The following ELF5 variants were observed in gnomAD, a reference collection of about 807,000 sequenced individuals.
ELF5 encodes ETS-related transcription factor Elf-5.
ELF5 carries 31 observed loss-of-function variants against 38.2 expected under a neutral mutation model. The ratio of observed to expected loss-of-function variants is 0.81; its 90% CI spans 0.61 to 1.10. The LOEUF (loss-of-function observed/expected upper bound fraction) is 1.10, where lower values mean the gene tolerates loss of function less well. Among genes scored for constraint, ELF5 ranks in the 50% least tolerant of loss-of-function variants. ELF5 has a pLI of 0.00. For synonymous variants in ELF5, 121 were observed against 112.5 expected, an observed-to-expected ratio of 1.08 and a Z score of -0.48; for missense variants, 300 against 306.6, an observed-to-expected ratio of 0.98 and a Z score of 0.16.
chr11:34,502,132 C>T (rs969998411), intron 2 of ELF5, among the ~76,000 whole-genome samples: 7 of 152,268 alleles, frequency 4.6e-5, no homozygotes, highest in South Asian at 2.1e-4. Flanking sequence ...CTAAACACTT[C>T]GTACACAAAA....
chr11:34,505,773 C>A lies in ELF5; in HGVS notation c.-4-20G>T. ...ATTACCCTGCAACAGCAGGAGAGGT[C>A]GTGAGGAGGCTGGGGTGAGGTACTC... On this transcript the variant is annotated intron_variant, in intron 1 of 6. Coordinates refer to ENST00000257832, the MANE Select transcript of ELF5 (RefSeq NM_001422.4). The A allele has an allele frequency of 6.2e-7, 1 of 1,609,988 alleles. No individual in the cohort carries two copies. Among genetic ancestry groups the A allele is most frequent in the Non-Finnish European group, 8.5e-7 (1 of 1,177,882 alleles).
chr11:34,495,560 TC>T (rs1489460730), intron 2 of ELF5, among the ~76,000 whole-genome samples: 4 of 152,182 alleles, frequency 2.6e-5, no homozygotes, highest in Non-Finnish European at 5.9e-5. Context: ...AACTCAAAGG[TC>T]TTCCAGAGAT....
At chr11:34,490,612 T>G (rs1850143283) in intron 3 of ELF5, among the ~76,000 whole-genome samples, 2 of 152,152 alleles carry the variant, frequency 1.3e-5, no homozygotes, top group African/African-American at 4.8e-5. Context: ...ATGCTGAGTT[T>G]AATGAGGATA....
At position 34,480,805 on chromosome 11, in the gene ELF5, C is replaced by G; in HGVS notation, c.638G>C (p.Arg213Thr). 6.2e-7 allele frequency: 1 copy of G among 1,613,994 alleles called. No individual in the cohort carries two copies. Among genetic ancestry groups the G allele is most frequent in the Non-Finnish European group, 8.5e-7 (1 of 1,179,990 alleles). Residue 213 changes from arginine (R) to threonine (T), a missense_variant, in exon 6 of 7, where the codon AGA becomes ACA. By Grantham distance (71) the Arg-to-Thr change is moderately conservative. Coordinates refer to ENST00000257832, the MANE Select transcript of ELF5 (RefSeq NM_001422.4). ...TCTGCTCAACTTTTCATATGTCATT[C>G]TGTCATTTTTCTTCCTTTGTCCCCA... ...KMWGQRKKND[R>T]MTYEKLSRAL...
In ELF5 at chr11:34,493,665, G is replaced by A. The variant is rs147852989; in HGVS notation, c.169C>T (p.Arg57Cys). The A allele has an allele frequency of 1.1e-5, 17 of 1,614,072 alleles. No homozygotes were observed. Among genetic ancestry groups the A allele is most frequent in the African/African-American group, 1.3e-5 (1 of 74,922 alleles). Residue 57 changes from arginine (R) to cysteine (C), a missense_variant, in exon 3 of 7, where the codon CGC (arginine) becomes TGC (cysteine). Physicochemically the swap from Arg to Cys is radical, Grantham distance 180 (BLOSUM62 -3). Transcript: ENST00000257832. ...TSVHPEYWTK[R>C]HVWEWLQFCC... ...AACTGGAGCCACTCCCACACATGGCGCTTAGTCCAGTATTCAGGGTGGACT... is the reference window on the plus strand; with the variant it reads ...AACTGGAGCCACTCCCACACATGGCACTTAGTCCAGTATTCAGGGTGGACT...
chr11:34,498,073 C>T (rs538330429), intron 2 of ELF5, among the ~76,000 whole-genome samples: 1 of 152,268 alleles, frequency 6.6e-6, no homozygotes, highest in Admixed American at 6.5e-5. Context: ...AACCAGGATT[C>T]CTATATTTTG....
chr11:34,505,664 T>C lies in ELF5; in HGVS notation c.86A>G (p.Asn29Ser), dbSNP rs1850595592. Residue 29 changes from asparagine (N) to serine (S), a missense_variant, in exon 2 of 7, where the codon AAT (asparagine) becomes AGT (serine). By Grantham distance (46) the Asn-to-Ser change is conservative (BLOSUM62 1). Transcript: ENST00000257832. ...PLMSWTDLFSNEEYYPAFEHQ... is the reference protein window; with the variant it reads ...PLMSWTDLFSSEEYYPAFEHQ... ...CTCAAAGGCAGGGTAGTACTCTTCATTGCTGAACAGATCAGTCCACGACAT... is the reference window on the plus strand; with the variant it reads ...CTCAAAGGCAGGGTAGTACTCTTCACTGCTGAACAGATCAGTCCACGACAT... 6.2e-7 allele frequency: 1 copy of C among 1,614,074 alleles called. No individual in the cohort carries two copies.
In ELF5 at chr11:34,480,046, T is replaced by C. The variant is rs2133866780; in HGVS notation, c.*172A>G. 1.6e-6 allele frequency: 1 copy of C among 613,798 alleles called. No homozygotes were observed. Among genetic ancestry groups the C allele is most frequent in the Non-Finnish European group, 2.9e-6 (1 of 350,834 alleles). The allele number at this position is 613,798 out of a possible 1,614,324, so 38.0% of individuals were successfully genotyped here. A position where few individuals can be genotyped will look rare whatever the true frequency, so the allele number is the denominator to read the frequency against. ...TTCTTAAGAGTTTCTGCTCTCACCC[T>C]CCATAGACAACAACTCTGAATCCAA... On this transcript the variant is annotated 3_prime_UTR_variant, in exon 7 of 7. Transcript: ENST00000257832.
In ELF5 at chr11:34,505,739, G is replaced by C; in HGVS notation, c.11C>G (p.Ser4Trp). The part of the protein sequence containing the change: MLD[S>W]VTHSTFLPNA... ...AGGCAGGAAGGTGCTGTGTGTCACCGAGTCCAACATTACCCTGCAACAGCA... is the reference window on the plus strand; with the variant it reads ...AGGCAGGAAGGTGCTGTGTGTCACCCAGTCCAACATTACCCTGCAACAGCA... Residue 4 changes from serine (S) to tryptophan (W), a missense_variant, in exon 2 of 7, where the codon TCG becomes TGG. Ser to Trp is a radical substitution (Grantham distance 177). Coordinates refer to ENST00000257832, the MANE Select transcript of ELF5 (RefSeq NM_001422.4). 6.2e-7 allele frequency: 1 copy of C among 1,613,680 alleles called. No individual in the cohort carries two copies. The highest frequency in any genetic ancestry group is 8.5e-7 in the Non-Finnish European group (1 of 1,179,772).
intron 2 of ELF5, among the ~76,000 whole-genome samples, chr11:34,501,380 A>C (rs924552864): frequency 3.3e-5 from 5 of 152,122 alleles, no homozygotes; most frequent in Admixed American, 1.3e-4. Context: ...AAAGCAAAGG[A>C]GGCGCTGCAT....
chr11:34,511,656 A>G lies in ELF5; in HGVS notation c.-5+2021T>C. ...CACCAAATGCACACAGAGAGGGTCC[A>G]CCGAGTTGGAGGGACAGGCCTGTGG... On this transcript the variant is annotated intron_variant, in intron 1 of 6. Transcript: ENST00000257832. 10 of 1,562,240 alleles carry G rather than the reference A, an allele frequency of 6.4e-6. No individual in the cohort carries two copies. In the South Asian group the frequency reaches 1.0e-4, roughly 16 times the overall value.
At chr11:34,512,867 C>T (rs1426494987) in intron 1 of ELF5, among the ~76,000 whole-genome samples, 3 of 152,186 alleles carry the variant, frequency 2.0e-5, no homozygotes, top group Non-Finnish European at 2.9e-5. Context: ...CTAGACTGAA[C>T]CACAGAGCTG....
At chr11:34,481,207 A>C (rs1813112911) in intron 5 of ELF5, among the ~76,000 whole-genome samples, 1 of 151,930 alleles carries the variant, frequency 6.6e-6, no homozygotes, top group African/African-American at 2.4e-5. Flanking sequence ...TATTTTTAGT[A>C]GAGATGGGGT....
chr11:34,508,332 G>A (rs1220505129), intron 1 of ELF5, among the ~76,000 whole-genome samples: 2 of 151,922 alleles, frequency 1.3e-5, no homozygotes, highest in Non-Finnish European at 2.9e-5. Context: ...TGAAACCCCC[G>A]TCTCTACTAA....
At chr11:34,488,361 G>A (rs1850065285) in intron 4 of ELF5, among the ~76,000 whole-genome samples, 1 of 152,102 alleles carries the variant, frequency 6.6e-6, no homozygotes, top group Non-Finnish European at 1.5e-5. Context: ...GGCATGAAGG[G>A]CTTTAGATTT....
intron 2 of ELF5, among the ~76,000 whole-genome samples, chr11:34,496,277 C>A (rs1412644779): frequency 6.6e-6 from 1 of 152,250 alleles, no homozygotes; most frequent in African/African-American, 2.4e-5. Context: ...GCCTCGGCCC[C>A]TGGAGGGGAG....
intron 4 of ELF5, among the ~76,000 whole-genome samples, chr11:34,483,985 T>G (rs1398054085): frequency 6.6e-6 from 1 of 151,688 alleles, no homozygotes; most frequent in Non-Finnish European, 1.5e-5. Context: ...TGTACCACAC[T>G]ATACTGTACT....
chr11:34,480,628 T>G, intron 6 of ELF5, 144 bp downstream of exon 6: 2 of 850,264 alleles, frequency 2.4e-6, no homozygotes, highest in Non-Finnish European at 3.6e-6. Flanking sequence ...ACCATAATCC[T>G]ACCTGTAACT....
At position 34,482,451 on chromosome 11, in the gene ELF5, C is replaced by T; in HGVS notation, c.455G>A (p.Cys152Tyr). The change falls in exon 5 of 7, where the codon TGT becomes TAT. Residue 152 changes from cysteine (C) to tyrosine (Y), a missense_variant. By Grantham distance (194) the Cys-to-Tyr change is radical. Transcript: ENST00000257832. The part of the protein sequence containing the change: ...LKTSGIKSQD[C>Y]HSHSRTSLQS... ...CTTACTTGTTCTACTATGACTGTGA[C>T]AGTCTTGACTTTTGATGCCACTTGT... The T allele has an allele frequency of 6.2e-7, 1 of 1,613,022 alleles. No individual in the cohort carries two copies. The highest frequency in any genetic ancestry group is 1.1e-5 in the South Asian group (1 of 90,686).
Sources: gnomAD v4.1 joint callset for allele counts (sites outside exome capture counted in the v4.1 genomes callset) on GRCh38, gnomAD v4.1.1 for gene constraint, MANE v1.5 for transcripts, NCBI Gene and HGNC (gene_info 2026-07-23, HGNC 2026-07-21) for gene names.